SCN9A: variants seen among roughly 807,000 people sequenced by gnomAD.
The protein encoded by SCN9A is sodium voltage-gated channel alpha subunit 9.
SCN9A carries 131 observed loss-of-function variants against 187.0 expected under a neutral mutation model. That is an observed-to-expected ratio of 0.70 (90% CI 0.61 to 0.81). SCN9A has a LOEUF of 0.81. SCN9A is among the 30% of genes least tolerant of loss of function. The probability of loss-of-function intolerance (pLI) is 0.00; values close to 1 mark genes in which losing one functional copy is unlikely to be tolerated. For missense variants in SCN9A, 2,252 were observed against 2,396.6 expected, an observed-to-expected ratio of 0.94 and a Z score of 1.26; for synonymous variants, 809 against 808.6, an observed-to-expected ratio of 1.00 and a Z score of -0.01.
chr2:166,231,717 A>G (rs753316269), intron 21 of SCN9A, among the ~76,000 whole-genome samples: 17 of 151,596 alleles, frequency 1.1e-4, no homozygotes, highest in Non-Finnish European at 1.5e-4. Context: ...ATGCCCGGGT[A>G]ATTTTTTGCA....
chr2:166,349,763 G>A (rs1172316979), intron 1 of SCN9A, among the ~76,000 whole-genome samples: 1 of 151,954 alleles, frequency 6.6e-6, no homozygotes, highest in Non-Finnish European at 1.5e-5. Flanking sequence ...ACCTGAAGTC[G>A]GGAGTTCGAG....
intron 18 of SCN9A, among the ~76,000 whole-genome samples, chr2:166,249,564 T>A (rs1183482002): frequency 6.6e-6 from 1 of 152,088 alleles, no homozygotes; most frequent in East Asian, 1.9e-4. Flanking sequence ...CCTCAGTAAA[T>A]TTCAATGGTC....
chr2:166,366,398 C>T (rs188532495), intron 1 of SCN9A, among the ~76,000 whole-genome samples: 1 of 151,808 alleles, frequency 6.6e-6, no homozygotes, highest in African/African-American at 2.4e-5. Context: ...ATATACAGAC[C>T]ACATTTTCTT....
intron 1 of SCN9A, among the ~76,000 whole-genome samples, chr2:166,360,173 C>T (rs866218716): frequency 1.6e-5 from 2 of 125,622 alleles, no homozygotes; most frequent in South Asian, 2.5e-4. Flanking sequence ...GAGCTGAGAT[C>T]GGGCCATTGC....
Position 166,197,649 on chromosome 2 carries a change from A to G in SCN9A, c.*1023T>C, listed in dbSNP as rs1176241032. On this transcript the variant is annotated 3_prime_UTR_variant, in exon 27 of 27. Transcript: ENST00000642356. ...CTGTGCCCAAGTTATTATCTGCTCAAGTATGTACCGTGGTCAAACAACTAA... is the reference window on the plus strand; with the variant it reads ...CTGTGCCCAAGTTATTATCTGCTCAGGTATGTACCGTGGTCAAACAACTAA... 6.6e-6 allele frequency: 1 copy of G among 152,216 alleles called. No homozygotes were observed. The highest frequency in any genetic ancestry group is 6.5e-5 in the Admixed American group (1 of 15,282). The allele number at this position is 152,216 out of a possible 1,614,324, so 9.4% of individuals were successfully genotyped here. A position where few individuals can be genotyped will look rare whatever the true frequency, so the allele number is the denominator to read the frequency against.
At chr2:166,288,120 TACAC>T (rs367909573) in intron 10 of SCN9A, among the ~76,000 whole-genome samples, 1 of 135,562 alleles carries the variant, frequency 7.4e-6, no homozygotes, top group African/African-American at 2.7e-5. Context: ...TATATATATA[TACAC>T]ACACATTTAT....
chr2:166,337,701 C>A (rs1392375686), intron 1 of SCN9A, among the ~76,000 whole-genome samples: 1 of 152,064 alleles, frequency 6.6e-6, no homozygotes, highest in Non-Finnish European at 1.5e-5. Flanking sequence ...TTTCTAAAGG[C>A]TGAAAAGTGC....
chr2:166,212,475 A>G (rs1035659126), intron 24 of SCN9A, among the ~76,000 whole-genome samples: 1 of 152,248 alleles, frequency 6.6e-6, no homozygotes, highest in Admixed American at 6.5e-5. Context: ...TCATCAAAGC[A>G]TGTAAATACG....
intron 2 of SCN9A, among the ~76,000 whole-genome samples, 142 bp downstream of exon 2, chr2:166,311,329 CCTATATATATATATATATATATATATAT>C (rs1315246099): frequency 0.014 from 650 of 47,910 alleles, 115 homozygotes; most frequent in African/African-American, 0.043. Flanking sequence ...TTCTGAATAT[CCTATATATATATATATATATATATATAT>C]ATATATATAT....
chr2:166,340,621 CTTTCTCT>C (rs1699762457), intron 1 of SCN9A, among the ~76,000 whole-genome samples: 1 of 35,048 alleles, frequency 2.9e-5, no homozygotes, highest in Non-Finnish European at 4.7e-5. Flanking sequence ...TCTTTCTTTC[CTTTCTCT>C]TCTTTCTTTT....
In SCN9A at chr2:166,198,734, A is replaced by G. The variant is rs1378635410; in HGVS notation, c.5905T>C (p.Tyr1969His). 16 of 1,613,072 alleles carry G rather than the reference A, an allele frequency of 9.9e-6. No individual in the cohort carries two copies. The highest frequency in any genetic ancestry group is 1.3e-5 in the African/African-American group (1 of 74,884). The part of the protein sequence containing the change: ...DSVTKPDKEK[Y>H]EQDRTEKEDK... ...TCCTTTTCTGTTCTGTCTTGTTCAT[A>G]TTTCTCTTTGTCTGGCTTTGTTACA... Residue 1969 changes from tyrosine (Y) to histidine (H), a missense_variant, in exon 27 of 27, where the codon TAT (tyrosine) becomes CAT (histidine). Physicochemically the swap from Tyr to His is moderately conservative, Grantham distance 83. Transcript: ENST00000642356.
intron 6 of SCN9A, 107 bp from the exon 7 acceptor site, chr2:166,303,409 T>G (rs889726548): frequency 1.2e-6 from 1 of 837,428 alleles, no homozygotes; most frequent in Admixed American, 3.0e-5. Context: ...TCAATGACCT[T>G]AAGTAACCTA....
intron 16 of SCN9A, among the ~76,000 whole-genome samples, chr2:166,273,276 G>A (rs1697084267): frequency 6.6e-6 from 1 of 152,138 alleles, no homozygotes; most frequent in South Asian, 2.1e-4. Context: ...TTACCTGTGA[G>A]AAACAGGTAG....
At chr2:166,228,313 G>C (rs1270023486) in intron 22 of SCN9A, among the ~76,000 whole-genome samples, 1 of 137,380 alleles carries the variant, frequency 7.3e-6, no homozygotes, top group African/African-American at 2.8e-5. Context: ...CTGGAGTGCA[G>C]TGGCACGATC....
At chr2:166,357,886 T>A (rs1284462448) in intron 1 of SCN9A, among the ~76,000 whole-genome samples, 4 of 152,116 alleles carry the variant, frequency 2.6e-5, no homozygotes, top group Non-Finnish European at 5.9e-5. Flanking sequence ...CCAAGGAGGT[T>A]ATTGGTATAT....
Position 166,277,209 on chromosome 2 carries a change from A to T in SCN9A, c.2648T>A (p.Val883Asp), listed in dbSNP as rs1697274748. The change falls in exon 16 of 27, where the codon GTC (valine) becomes GAC (aspartate). Residue 883 changes from valine (V) to aspartate (D), a missense_variant. By Grantham distance (152) the Val-to-Asp change is radical (BLOSUM62 -3). This residue lies in a region of SCN9A where 119 missense variants were observed against 188.7 expected (regional missense o/e 0.63). Coordinates refer to ENST00000642356, the MANE Select transcript of SCN9A (RefSeq NM_001365536.1). Reference protein sequence around the residue: ...LAIIVFIFAVVGMQLFGKSYK... With the variant: ...LAIIVFIFAVDGMQLFGKSYK... ...GCTCTTACCAAAGAGCTGCATGCCG[A>T]CCACAGCAAAAATGAAGACGATGAT... is the stretch of plus-strand genomic sequence containing the variant. 1.2e-6 allele frequency: 2 copies of T among 1,614,098 alleles called. No individual in the cohort carries two copies. The highest frequency in any genetic ancestry group is 8.5e-7 in the Non-Finnish European group (1 of 1,179,982).
intron 16 of SCN9A, among the ~76,000 whole-genome samples, chr2:166,274,623 A>G (rs1351221544): frequency 6.6e-6 from 1 of 152,160 alleles, no homozygotes; most frequent in Non-Finnish European, 1.5e-5. Context: ...TCCATTAGTC[A>G]AGAGTTGGTT....
At chr2:166,217,741 G>A (rs1694397914) in intron 24 of SCN9A, among the ~76,000 whole-genome samples, 1 of 152,066 alleles carries the variant, frequency 6.6e-6, no homozygotes. Flanking sequence ...TGGAGAAATA[G>A]GAACCCTTAT....
intron 18 of SCN9A, among the ~76,000 whole-genome samples, chr2:166,243,760 G>A (rs900766125): frequency 1.3e-5 from 2 of 152,008 alleles, no homozygotes; most frequent in Non-Finnish European, 1.5e-5. Flanking sequence ...TATTGAGGTT[G>A]AGGAGTAAGT....
Sources: gnomAD v4.1 joint callset for allele counts (sites outside exome capture counted in the v4.1 genomes callset) on GRCh38, gnomAD v4.1.1 for gene constraint, gnomAD v4.1.1 regional missense constraint, MANE v1.5 for transcripts, NCBI Gene and HGNC (gene_info 2026-07-23, HGNC 2026-07-21) for gene names.